Variants in FRRS1 observed in about 807,000 individuals in gnomAD.
The protein encoded by FRRS1 is ferric reductase 1.
A neutral mutation model predicts 70.7 loss-of-function variants in FRRS1; 51 were observed. That is an observed-to-expected ratio of 0.72 (90% CI 0.58 to 0.91). FRRS1 has a LOEUF of 0.91. Ranked by LOEUF, FRRS1 falls within the 40% of genes least tolerant of loss-of-function variation. The probability of loss-of-function intolerance (pLI) is 0.00; values close to 1 mark genes in which losing one functional copy is unlikely to be tolerated. For synonymous variants in FRRS1, 225 were observed against 238.7 expected, an observed-to-expected ratio of 0.94 and a Z score of 0.53; for missense variants, 672 against 726.0, an observed-to-expected ratio of 0.93 and a Z score of 0.86.
chr1:99,760,902 C>T lies in FRRS1; in HGVS notation c.-106+5705G>A, dbSNP rs534547633. On this transcript the variant is annotated intron_variant, in intron 1 of 16. Transcript: ENST00000646001. The stretch of plus-strand genomic sequence containing the variant: ...CTGACCTCAGGTGATACACCTGCCT[C>T]GGCCTCCCAAAGTGCTGGATTATAG... Among the ~76,000 whole-genome samples the T allele has an allele frequency of 5.3e-5, 8 of 151,996 alleles. No individual in the cohort carries two copies. In the South Asian group the frequency reaches 6.2e-4, roughly 12 times the overall value.
intron 9 of FRRS1, among the ~76,000 whole-genome samples, chr1:99,720,517 A>C (rs1352098899): frequency 6.6e-6 from 1 of 152,162 alleles, no homozygotes; most frequent in Non-Finnish European, 1.5e-5. Context: ...ACCTTTGTCT[A>C]AAACAAATGA....
At position 99,749,004 on chromosome 1, in the gene FRRS1, G is replaced by T; in HGVS notation, c.-105-3C>A. ...CATTTAATCCTCCACTTCCTTACCT[G>T]AAAAATAAGGAAACAAAGATCTCTT... On this transcript the variant is annotated splice_polypyrimidine_tract_variant and splice_region_variant and intron_variant, in intron 1 of 16. Transcript: ENST00000646001. 1 of 350,344 alleles carries T rather than the reference G, an allele frequency of 2.9e-6. No individual in the cohort carries two copies. Among genetic ancestry groups the T allele is most frequent in the Non-Finnish European group, 5.1e-6 (1 of 195,598 alleles). 21.7% of individuals were successfully genotyped at this position (350,344 alleles called of 1,614,324 possible).
At chr1:99,744,276 G>T (rs1030496069) in intron 4 of FRRS1, among the ~76,000 whole-genome samples, 1 of 152,118 alleles carries the variant, frequency 6.6e-6, no homozygotes, top group Non-Finnish European at 1.5e-5. Flanking sequence ...ATATGACAAC[G>T]TAAAGCAAAT....
intron 6 of FRRS1, among the ~76,000 whole-genome samples, chr1:99,739,005 G>C (rs567298788): frequency 6.6e-6 from 1 of 152,144 alleles, no homozygotes; most frequent in Non-Finnish European, 1.5e-5. Context: ...TTTCAGAAGA[G>C]AGCTAAACAT....
chr1:99,708,740 C>A lies in FRRS1; in HGVS notation c.*288G>T. 1 of 493,430 alleles carries A rather than the reference C, an allele frequency of 2.0e-6. No homozygotes were observed. The highest frequency in any genetic ancestry group is 3.5e-6 in the Non-Finnish European group (1 of 284,798). The allele number at this position is 493,430 out of a possible 1,614,324, so 30.6% of individuals were successfully genotyped here. ...CACTATTTATTTTCTTAAATACCAA[C>A]ATTCTTAAAATCTTGGCATGAAATA... On this transcript the variant is annotated 3_prime_UTR_variant, in exon 17 of 17. Transcript: ENST00000646001.
intron 1 of FRRS1, among the ~76,000 whole-genome samples, chr1:99,754,495 G>C (rs75846221): frequency 0.027 from 3,075 of 112,930 alleles, 123 homozygotes; most frequent in African/African-American, 0.12. Context: ...CAAAGAGAGA[G>C]AGAGAGAGAG....
At chr1:99,763,994 C>A (rs972689320) in intron 1 of FRRS1, among the ~76,000 whole-genome samples, 1 of 151,994 alleles carries the variant, frequency 6.6e-6, no homozygotes, top group Non-Finnish European at 1.5e-5. Context: ...AAATAAACTA[C>A]GCTATACCCA....
intron 1 of FRRS1, among the ~76,000 whole-genome samples, chr1:99,752,698 C>T (rs1334250311): frequency 6.6e-6 from 1 of 152,142 alleles, no homozygotes; most frequent in East Asian, 1.9e-4. Context: ...ATCACTTGAG[C>T]CCAGTAGTTC....
chr1:99,726,352 T>TTA (rs1655079346), intron 9 of FRRS1, among the ~76,000 whole-genome samples: 1 of 152,194 alleles, frequency 6.6e-6, no homozygotes, highest in Non-Finnish European at 1.5e-5. Flanking sequence ...GGGTAGTTCT[T>TTA]TATAGCAGTG....
At chr1:99,739,640 A>G (rs1034951403) in intron 6 of FRRS1, among the ~76,000 whole-genome samples, 13 of 152,254 alleles carry the variant, frequency 8.5e-5, no homozygotes, top group Admixed American at 2.6e-4. Flanking sequence ...AGAAGGAAAA[A>G]GAAAAGGAAC....
chr1:99,753,875 A>G, intron 1 of FRRS1, among the ~76,000 whole-genome samples: 1 of 152,234 alleles, frequency 6.6e-6, no homozygotes, highest in East Asian at 1.9e-4. Flanking sequence ...AACAGACCCT[A>G]TTATGTGTTT....
chr1:99,748,026 A>G (rs956821524), intron 3 of FRRS1: 1 of 152,806 alleles, frequency 6.5e-6, no homozygotes, highest in Non-Finnish European at 1.5e-5. Context: ...CAAATTTCTT[A>G]GGATATTTAA....
At position 99,706,950 on chromosome 1, in the gene FRRS1, T is replaced by G. The variant is rs1431230891; in HGVS notation, c.*2078A>C. Among the ~76,000 whole-genome samples, 1 of 152,116 alleles carries G rather than the reference T, an allele frequency of 6.6e-6. No homozygotes were observed. The highest frequency in any genetic ancestry group is 1.5e-5 in the Non-Finnish European group (1 of 68,024). ...ATGTAGAATATAACTTAAGAGAAAT[T>G]TATTAACATTTAAGCTCCTTAGTAT... On this transcript the variant is annotated 3_prime_UTR_variant, in exon 17 of 17. Transcript: ENST00000646001.
chr1:99,751,101 G>C (rs1656547584), intron 1 of FRRS1, among the ~76,000 whole-genome samples: 1 of 152,104 alleles, frequency 6.6e-6, no homozygotes, highest in Non-Finnish European at 1.5e-5. Context: ...AAAAAGCAGA[G>C]GAAGAGGGAA....
At chr1:99,721,598 CTT>C (rs1177894215) in intron 9 of FRRS1, among the ~76,000 whole-genome samples, 4 of 140,468 alleles carry the variant, frequency 2.8e-5, no homozygotes, top group Non-Finnish European at 3.1e-5. Flanking sequence ...TAGAAAAATT[CTT>C]TTTTTTTTTT....
At chr1:99,715,782 T>G in intron 11 of FRRS1, 110 bp from the exon 12 acceptor site, 4 of 657,522 alleles carry the variant, frequency 6.1e-6, no homozygotes, top group Middle Eastern at 2.5e-4. Flanking sequence ...ACTGAAGGCA[T>G]GCATTCAACT....
Position 99,719,595 on chromosome 1 carries a change from A to T in FRRS1, c.1059T>A (p.Asp353Glu). 1 of 1,612,374 alleles carries T rather than the reference A, an allele frequency of 6.2e-7. No individual in the cohort carries two copies. Among genetic ancestry groups the T allele is most frequent in the Middle Eastern group, 1.7e-4 (1 of 6,058 alleles). Residue 353 changes from aspartate to glutamate, a missense_variant, in exon 10 of 17, where the codon GAT becomes GAA. Asp to Glu is a conservative substitution (Grantham distance 45). Transcript: ENST00000646001. The part of the protein sequence containing the change: ...QQPLITYEKY[D>E]VTDSPKNIGG... ...CTATGTTCTTTGGAGAGTCTGTCAC[A>T]TCATATTTTTCATAGGTAATCAAAG... is the stretch of plus-strand genomic sequence containing the variant.
At chr1:99,761,368 T>A (rs1657105793) in intron 1 of FRRS1, among the ~76,000 whole-genome samples, 4 of 152,048 alleles carry the variant, frequency 2.6e-5, no homozygotes. Flanking sequence ...GCTCAACCAA[T>A]CCTCCCGCTT....
chr1:99,726,743 G>A (rs1411064169), intron 9 of FRRS1, among the ~76,000 whole-genome samples: 2 of 152,064 alleles, frequency 1.3e-5, no homozygotes, highest in Non-Finnish European at 2.9e-5. Flanking sequence ...GTCTCCCTTA[G>A]TTGCCCAGGC....
Sources: allele counts gnomAD v4.1 joint callset (sites outside exome capture counted in the v4.1 genomes callset), GRCh38; gene constraint gnomAD v4.1.1; transcripts MANE v1.5; gene names NCBI Gene and HGNC (gene_info 2026-07-23, HGNC 2026-07-21).